Variants in JMJD1C observed in about 807,000 individuals in gnomAD.
JMJD1C encodes jumonji domain-containing protein 1C.
In JMJD1C, 31 loss-of-function variants were observed where a neutral mutation model predicts 245.3. The ratio of observed to expected loss-of-function variants is 0.13; its 90% CI spans 0.09 to 0.17. The LOEUF (loss-of-function observed/expected upper bound fraction) is 0.17. Among genes scored for constraint, JMJD1C ranks in the 10% least tolerant of loss-of-function variants. JMJD1C has a pLI of 1.00. For synonymous variants in JMJD1C, 1,057 were observed against 1,017.4 expected (o/e 1.04, Z -0.74); for missense variants, 2,691 against 3,000.2 (o/e 0.90, Z 2.41).
At position 63,214,281 on chromosome 10, in the gene JMJD1C, G is replaced by T. The variant is rs766627474; in HGVS notation, c.1886C>A (p.Thr629Asn). 1.9e-6 allele frequency: 3 copies of T among 1,614,018 alleles called. No individual in the cohort carries two copies. In the South Asian group the frequency reaches 3.3e-5, roughly 18 times the overall value. ...TTTTATCTTGTGAGTATCTACTGAA[G>T]TATTAAGTTTAGATTTTATAGTCTC... ...PPETIKSKLN[T>N]SVDTHKIKSS... Residue 629 changes from threonine (T) to asparagine (N), a missense_variant, in exon 8 of 26, where the codon ACT becomes AAT. By Grantham distance (65) the Thr-to-Asn change is moderately conservative. Transcript: ENST00000399262.
rs535148577 is a variant in JMJD1C at position 63,504,691 on chromosome 10, T to C, written n.113+17047A>G. On this transcript the variant is annotated intron_variant and non_coding_transcript_variant, in intron 1 of 3. Transcript: ENST00000633035. ...AGGGAGTTTTAAGAGGTTCTCTCAT[T>C]TGTGCACTAAAAAGGCCACTCTGCT... Among the ~76,000 whole-genome samples the C allele has an allele frequency of 1.2e-4, 18 of 152,128 alleles. No individual in the cohort carries two copies. In the East Asian group the frequency reaches 3.3e-3, roughly 28 times the overall value.
intron 24 of JMJD1C, among the ~76,000 whole-genome samples, chr10:63,174,302 G>A (rs1842669195): frequency 6.6e-6 from 1 of 152,076 alleles, no homozygotes; most frequent in African/African-American, 2.4e-5. Context: ...ACTTCAGCTG[G>A]TGAATGTACG....
intron 2 of JMJD1C, among the ~76,000 whole-genome samples, chr10:63,293,643 T>A (rs1859037882): frequency 6.6e-6 from 1 of 152,188 alleles, no homozygotes; most frequent in African/African-American, 2.4e-5. Flanking sequence ...GAAACTCCTC[T>A]CTCAAAGTAA....
At chr10:63,256,939 T>C (rs1376170438) in intron 3 of JMJD1C, among the ~76,000 whole-genome samples, 2 of 151,766 alleles carry the variant, frequency 1.3e-5, no homozygotes, top group Non-Finnish European at 2.9e-5. Flanking sequence ...GAAACAGATA[T>C]AGAAAAAGAG....
At chr10:63,393,872 A>G (rs1351647498) in intron 1 of JMJD1C, among the ~76,000 whole-genome samples, 3 of 152,166 alleles carry the variant, frequency 2.0e-5, no homozygotes, top group African/African-American at 4.8e-5. Flanking sequence ...CCTGGTTTGA[A>G]GACTGCATAT....
intron 22 of JMJD1C, among the ~76,000 whole-genome samples, chr10:63,179,870 T>C (rs1462247780): frequency 6.6e-6 from 1 of 152,076 alleles, no homozygotes; most frequent in Non-Finnish European, 1.5e-5. Context: ...GAAAGTCAAA[T>C]ATGTTATCAC....
intron 2 of JMJD1C, among the ~76,000 whole-genome samples, chr10:63,309,494 CAAAAAAAAA>C (rs71025153): frequency 1.8e-4 from 9 of 49,422 alleles, no homozygotes; most frequent in Non-Finnish European, 2.7e-4. Context: ...GACTCCATCT[CAAAAAAAAA>C]AAAAAAAAAA....
chr10:63,179,033 C>G (rs1007702650), intron 22 of JMJD1C, among the ~76,000 whole-genome samples: 1 of 152,142 alleles, frequency 6.6e-6, no homozygotes, highest in Non-Finnish European at 1.5e-5. Context: ...TCATTACCCA[C>G]CCCTGTTAAC....
At chr10:63,278,482 C>T (rs1425580156) in intron 2 of JMJD1C, among the ~76,000 whole-genome samples, 1 of 151,332 alleles carries the variant, frequency 6.6e-6, no homozygotes, top group African/African-American at 2.4e-5. Context: ...TGAGATTACG[C>T]CACTGCACTC....
chr10:63,224,013 A>G (rs922089805), intron 3 of JMJD1C, among the ~76,000 whole-genome samples: 5 of 151,970 alleles, frequency 3.3e-5, no homozygotes, highest in South Asian at 2.1e-4. Flanking sequence ...CCGCCTCCCA[A>G]TGGGATTACA....
At chr10:63,278,337 T>C (rs1306567405) in intron 2 of JMJD1C, among the ~76,000 whole-genome samples, 1 of 118,870 alleles carries the variant, frequency 8.4e-6, no homozygotes, top group East Asian at 2.2e-4. Context: ...AATACAACAA[T>C]TAAAAGAGAA....
intron 2 of JMJD1C, among the ~76,000 whole-genome samples, chr10:63,314,222 T>C (rs1395993654): frequency 6.6e-6 from 1 of 152,246 alleles, no homozygotes; most frequent in African/African-American, 2.4e-5. Flanking sequence ...TGAGGATCAG[T>C]TGGCTGTAAC....
chr10:63,278,679 A>G (rs1857069707), intron 2 of JMJD1C, among the ~76,000 whole-genome samples: 1 of 151,386 alleles, frequency 6.6e-6, no homozygotes, highest in Non-Finnish European at 1.5e-5. Context: ...GTCTCTACTA[A>G]AAATACAAAA....
Position 63,419,045 on chromosome 10 carries a change from CCAACCTGGG to C in JMJD1C, c.169-38572_169-38564del, listed in dbSNP as rs201638740. Among the ~76,000 whole-genome samples, 1,273 of 147,786 alleles carry C rather than the reference CCAACCTGGG, an allele frequency of 8.6e-3. 16 individuals are homozygous for C. Among genetic ancestry groups the C allele is most frequent in the African/African-American group, 0.03 (1,202 of 40,280 alleles). On this transcript the variant is annotated intron_variant, in intron 1 of 25. Transcript: ENST00000399262. The stretch of plus-strand genomic sequence containing the variant: ...TGAGCCAAGATCACACCACTGCACT[CCAACCTGGG>C]CAACAGAGTGAGACTCCATCTCAAA...
chr10:63,504,502 C>T lies in JMJD1C; in HGVS notation n.113+17236G>A, dbSNP rs947959846. ...TCAACGACCCTAAGGAAAAAGGAGG[C>T]TGACATGTTTACAGAAACAGAAGAA... On this transcript the variant is annotated intron_variant and non_coding_transcript_variant, in intron 1 of 3. Transcript: ENST00000633035. 2.6e-5 allele frequency among the ~76,000 whole-genome samples: 4 copies of T among 152,068 alleles called. No homozygotes were observed. The East Asian group carries it at 7.7e-4, about 29-fold the overall frequency.
At chr10:63,349,384 T>C (rs976090887) in intron 2 of JMJD1C, among the ~76,000 whole-genome samples, 2 of 152,240 alleles carry the variant, frequency 1.3e-5, no homozygotes, top group Admixed American at 1.3e-4. Flanking sequence ...AAGTTATCGA[T>C]ACCAGTTTTG....
At chr10:63,371,397 T>C (rs2134432496) in intron 2 of JMJD1C, among the ~76,000 whole-genome samples, 1 of 152,350 alleles carries the variant, frequency 6.6e-6, no homozygotes, top group South Asian at 2.1e-4. Context: ...CTGCATAATA[T>C]GCCAAAATAT....
intron 1 of JMJD1C, among the ~76,000 whole-genome samples, chr10:63,428,350 C>T (rs1282995464): frequency 6.6e-6 from 1 of 152,064 alleles, no homozygotes; most frequent in Non-Finnish European, 1.5e-5. Flanking sequence ...TTAATATTGA[C>T]AAAAGATCAA....
intron 24 of JMJD1C, 86 bp downstream of exon 24, chr10:63,176,211 T>C (rs1231748732): frequency 5.8e-6 from 5 of 860,456 alleles, no homozygotes; most frequent in Non-Finnish European, 6.8e-6. Flanking sequence ...TCTTCTTCCA[T>C]TTATATCTAT....
Sources: allele counts gnomAD v4.1 joint callset (sites outside exome capture counted in the v4.1 genomes callset), GRCh38; gene constraint gnomAD v4.1.1; transcripts MANE v1.5; gene names NCBI Gene and HGNC (gene_info 2026-07-23, HGNC 2026-07-21).